The following HIVEP3 variants were observed in gnomAD, a reference collection of about 807,000 sequenced individuals.
HIVEP3 encodes HIVEP zinc finger 3, also known as transcription factor HIVEP3.
A neutral mutation model predicts 152.8 loss-of-function variants in HIVEP3; 49 were observed. The observed-to-expected ratio is 0.32, with a 90% CI of 0.26 to 0.41. The LOEUF is 0.41. Among genes scored for constraint, HIVEP3 ranks in the 10% least tolerant of loss-of-function variants. HIVEP3 has a pLI of 1.00. For synonymous variants in HIVEP3, 1,269 were observed against 1,289.0 expected, an observed-to-expected ratio of 0.98 and a Z score of 0.33; for missense variants, 2,790 against 3,103.3, an observed-to-expected ratio of 0.90 and a Z score of 2.40.
At chr1:41,575,488 G>A in intron 5 of HIVEP3, 56 bp downstream of exon 5, 1 of 1,585,076 alleles carries the variant, frequency 6.3e-7, no homozygotes, top group African/African-American at 1.3e-5. Context: ...GAACACCAAT[G>A]GGCACCAGCT....
At chr1:41,945,905 A>G (rs919009855) in intron 1 of HIVEP3, among the ~76,000 whole-genome samples, 2 of 152,210 alleles carry the variant, frequency 1.3e-5, no homozygotes, top group South Asian at 2.1e-4. Flanking sequence ...AGCTGCAGAC[A>G]TTAGAAAAAA....
rs777221603 is a variant in HIVEP3 at position 41,664,192 on chromosome 1, CT to C, written c.-720-35246del. 3.3e-4 allele frequency among the ~76,000 whole-genome samples: 50 copies of C among 152,218 alleles called. No individual in the cohort carries two copies. Among genetic ancestry groups the C allele is most frequent in the Non-Finnish European group, 6.6e-4 (45 of 68,030 alleles). On this transcript the variant is annotated intron_variant, in intron 2 of 8. Coordinates refer to ENST00000372583, the MANE Select transcript of HIVEP3 (RefSeq NM_024503.5). This position sits in a 1 kb window ranked among gnomAD's most constrained non-coding sequence, Gnocchi z 4.4. ...CAGGGCAACTGGGGTGGGGTGCCCCCTGGGACAGATTCCTGCTCCTCACTCC... is the reference window on the plus strand; with the variant it reads ...CAGGGCAACTGGGGTGGGGTGCCCCCGGGACAGATTCCTGCTCCTCACTCC...
chr1:41,586,015 A>G (rs1266895570), intron 3 of HIVEP3, among the ~76,000 whole-genome samples: 2 of 152,344 alleles, frequency 1.3e-5, no homozygotes, highest in Non-Finnish European at 2.9e-5. Flanking sequence ...CTACTGCCAC[A>G]GCCTGTGAGA....
intron 1 of HIVEP3, among the ~76,000 whole-genome samples, chr1:41,895,222 A>G (rs1644508797): frequency 6.6e-6 from 1 of 152,006 alleles, no homozygotes; most frequent in Non-Finnish European, 1.5e-5. Context: ...CCTGTCCTCT[A>G]CCTCTCAGTG....
intron 1 of HIVEP3, among the ~76,000 whole-genome samples, chr1:41,953,346 GC>G (rs1645121194): frequency 6.6e-6 from 1 of 152,232 alleles, no homozygotes; most frequent in South Asian, 2.1e-4. Flanking sequence ...GTGACCTTGG[GC>G]CAATTACTTA....
Position 41,798,117 on chromosome 1 carries a change from C to T in HIVEP3, c.-800-97122G>A, listed in dbSNP as rs186806176. ...GAACACTTGGACACAGGAAGGGGAA[C>T]ATCACATACCGGGGCCTGTCGTGGG... On this transcript the variant is annotated intron_variant, in intron 1 of 8. Transcript: ENST00000372583. 1.2e-3 allele frequency among the ~76,000 whole-genome samples: 188 copies of T among 152,178 alleles called. 2 individuals carry two copies. The highest frequency in any genetic ancestry group is 4.3e-3 in the African/African-American group (177 of 41,512).
chr1:41,696,860 C>T (rs1646285279), intron 2 of HIVEP3, among the ~76,000 whole-genome samples: 1 of 151,992 alleles, frequency 6.6e-6, no homozygotes, highest in African/African-American at 2.4e-5. Context: ...CTCTACTTTC[C>T]AAAATTTTCT....
intron 5 of HIVEP3, among the ~76,000 whole-genome samples, chr1:41,549,834 C>G (rs545593646): frequency 1.3e-5 from 2 of 152,172 alleles, no homozygotes; most frequent in East Asian, 3.8e-4. Context: ...TGCCTGTTCA[C>G]TCTGATGGTA....
At chr1:41,944,222 G>A (rs1645062648) in intron 1 of HIVEP3, among the ~76,000 whole-genome samples, 1 of 152,192 alleles carries the variant, frequency 6.6e-6, no homozygotes, top group Non-Finnish European at 1.5e-5. Context: ...CAATATGAAG[G>A]TGTTAAATGC....
At chr1:41,826,918 C>T (rs1642821094) in intron 1 of HIVEP3, among the ~76,000 whole-genome samples, 1 of 152,184 alleles carries the variant, frequency 6.6e-6, no homozygotes, top group Admixed American at 6.5e-5. Flanking sequence ...CAAAGGAGGA[C>T]TTATTACTGC....
intron 1 of HIVEP3, among the ~76,000 whole-genome samples, chr1:41,761,695 G>A (rs1647694076): frequency 6.6e-6 from 1 of 152,140 alleles, no homozygotes; most frequent in African/African-American, 2.4e-5. Context: ...GTAAATAAGT[G>A]TGTGTGTGCA....
intron 3 of HIVEP3, among the ~76,000 whole-genome samples, chr1:41,605,673 T>C (rs1391900547): frequency 6.6e-6 from 1 of 151,954 alleles, no homozygotes; most frequent in Non-Finnish European, 1.5e-5. Context: ...GCTTTAGAGA[T>C]ACACACACTG....
intron 2 of HIVEP3, among the ~76,000 whole-genome samples, chr1:41,645,577 G>A (rs1426019740): frequency 6.6e-6 from 1 of 152,184 alleles, no homozygotes; most frequent in Admixed American, 6.5e-5. Context: ...TGCATAGTAT[G>A]TATCACCACT....
chr1:41,820,212 A>C (rs574924692), intron 1 of HIVEP3, among the ~76,000 whole-genome samples: 15 of 152,280 alleles, frequency 9.9e-5, no homozygotes, highest in African/African-American at 3.6e-4. Context: ...GTATCTGTCC[A>C]TTTCTACTTC....
chr1:41,996,844 G>T (rs1420017128), intron 1 of HIVEP3, among the ~76,000 whole-genome samples: 2 of 152,194 alleles, frequency 1.3e-5, no homozygotes, highest in African/African-American at 4.8e-5. Flanking sequence ...GGGAAAATTT[G>T]TTCCCTTGTC....
chr1:41,933,863 C>T (rs1405175102), intron 1 of HIVEP3, among the ~76,000 whole-genome samples: 1 of 152,036 alleles, frequency 6.6e-6, no homozygotes, highest in Admixed American at 6.6e-5. Flanking sequence ...GAAGCAGCAG[C>T]CTTCCCAGTG....
chr1:41,862,044 G>T (rs576822192), intron 1 of HIVEP3, among the ~76,000 whole-genome samples: 82 of 152,284 alleles, frequency 5.4e-4, no homozygotes, highest in African/African-American at 2.0e-3. Flanking sequence ...TAAAACTTGG[G>T]GGATGTGAGG....
At chr1:41,989,987 C>T (rs1645349940) in intron 1 of HIVEP3, among the ~76,000 whole-genome samples, 1 of 15,828 alleles carries the variant, frequency 6.3e-5, no homozygotes, top group African/African-American at 3.1e-4. Flanking sequence ...GGTGATTTTG[C>T]TCCTTAGTTG....
At chr1:41,760,971 T>C (rs906528704) in intron 1 of HIVEP3, among the ~76,000 whole-genome samples, 2 of 152,350 alleles carry the variant, frequency 1.3e-5, no homozygotes, top group Admixed American at 1.3e-4. Context: ...CATTTGAGCC[T>C]ACACTCAGCT....
Sources: allele counts gnomAD v4.1 joint callset (sites outside exome capture counted in the v4.1 genomes callset), GRCh38; gene constraint gnomAD v4.1.1; non-coding constraint Gnocchi (gnomAD v3.1); transcripts MANE v1.5; gene names NCBI Gene and HGNC (gene_info 2026-07-23, HGNC 2026-07-21).